ANP32A: variants seen among roughly 807,000 people sequenced by gnomAD.
ANP32A encodes acidic leucine-rich nuclear phosphoprotein 32 family member A.
A neutral mutation model predicts 33.9 loss-of-function variants in ANP32A; 1 was observed. The ratio of observed to expected loss-of-function variants is 0.03; its 90% CI spans 0.01 to 0.14. The LOEUF (loss-of-function observed/expected upper bound fraction) is 0.14. ANP32A is among the 10% of genes least tolerant of loss of function. The probability of loss-of-function intolerance (pLI) is 1.00; values close to 1 mark genes in which losing one functional copy is unlikely to be tolerated. For synonymous variants in ANP32A, 115 were observed against 120.5 expected (o/e 0.95, Z 0.30); for missense variants, 155 against 306.0 (o/e 0.51, Z 3.68).
chr15:68,799,220 T>G (rs1596069417), intron 1 of ANP32A, among the ~76,000 whole-genome samples: 1 of 151,930 alleles, frequency 6.6e-6, no homozygotes, highest in East Asian at 1.9e-4. Flanking sequence ...AGAAATGGAA[T>G]GAGGGAAAGC....
intron 1 of ANP32A, among the ~76,000 whole-genome samples, chr15:68,803,762 A>T (rs181683502): frequency 2.0e-5 from 3 of 150,628 alleles, no homozygotes; most frequent in Non-Finnish European, 4.4e-5. Flanking sequence ...TAAATCTCAC[A>T]CATATTGTTT....
At chr15:68,798,899 T>G (rs1407907634) in intron 1 of ANP32A, among the ~76,000 whole-genome samples, 1 of 152,202 alleles carries the variant, frequency 6.6e-6, no homozygotes, top group East Asian at 1.9e-4. Flanking sequence ...GCCTCGGCAC[T>G]GAAGCCCTGT....
rs773932398 is a variant in ANP32A, at chr15:68,780,151, G to A, written c.689-9C>T. The A allele has an allele frequency of 1.1e-5, 17 of 1,613,554 alleles. No individual in the cohort carries two copies. In the South Asian group the frequency reaches 1.9e-4, roughly 18 times the overall value. On this transcript the variant is annotated splice_polypyrimidine_tract_variant and intron_variant, in intron 6 of 6. Transcript: ENST00000465139. The surrounding 1 kb of genome is among the most constrained non-coding windows in gnomAD (Gnocchi z 4.3). Reference sequence around the variant, plus strand: ...CTGACCCCTTTCTTCTTCTGGAAAAGTAAGAAAGCGGCATTTAGATTAGTT... The same window carrying A: ...CTGACCCCTTTCTTCTTCTGGAAAAATAAGAAAGCGGCATTTAGATTAGTT...
intron 1 of ANP32A, among the ~76,000 whole-genome samples, chr15:68,798,362 C>CA (rs1419205717): frequency 1.3e-5 from 2 of 152,222 alleles, no homozygotes; most frequent in Admixed American, 1.3e-4. Flanking sequence ...CAATCAGACT[C>CA]AGAGGCCAGG....
intron 1 of ANP32A, chr15:68,817,802 A>T (rs1200262037): frequency 6.6e-6 from 1 of 152,176 alleles, no homozygotes; most frequent in Non-Finnish European, 1.5e-5. Context: ...TCATAGCACA[A>T]CTGGGGGTCC....
chr15:68,809,248 CTG>C lies in ANP32A; in HGVS notation c.54+11448_54+11449del, dbSNP rs1038794857. On this transcript the variant is annotated intron_variant, in intron 1 of 6. Coordinates refer to ENST00000465139, the MANE Select transcript of ANP32A (RefSeq NM_006305.4). ...GCTAGCTTATTGTATTAAAGGGAGA[CTG>C]TGAATGTCCCCTACCCCTACTCATC... Among the ~76,000 whole-genome samples the C allele has an allele frequency of 5.3e-4, 80 of 152,304 alleles. 1 individual carries two copies. The highest frequency in any genetic ancestry group is 1.8e-3 in the African/African-American group (76 of 41,574).
intron 1 of ANP32A, chr15:68,790,954 C>T (rs1370057525): frequency 6.6e-6 from 1 of 152,252 alleles, no homozygotes; most frequent in African/African-American, 2.4e-5. Context: ...CTGTCTCTCA[C>T]CCTCTCTCCC....
chr15:68,787,621 G>T, intron 2 of ANP32A, 86 bp from the exon 3 acceptor site: 1 of 1,603,266 alleles, frequency 6.2e-7, no homozygotes. Context: ...CCCCAGACGG[G>T]CAAGAAGGGA....
In ANP32A at chr15:68,780,420, T is replaced by C. The variant is rs745497229; in HGVS notation, c.678A>G (p.Glu226=). 1.9e-6 allele frequency: 3 copies of C among 1,613,996 alleles called. No individual in the cohort carries two copies. The highest frequency in any genetic ancestry group is 2.5e-6 in the Non-Finnish European group (3 of 1,179,890). Residue 226 remains glutamate (E), a synonymous_variant, in exon 6 of 7, where the codon GAA becomes GAG. Transcript: ENST00000465139. This position sits in a 1 kb window ranked among gnomAD's most constrained non-coding sequence, Gnocchi z 4.3. The part of the protein sequence containing the change: ...DGEVDDEEDE[E]ELGEEERGQK... ...AAAAGGCTGCCATACCACCAAGCTC[T>C]TCTTCATCTTCCTCGTCATCTACCT...
intron 1 of ANP32A, among the ~76,000 whole-genome samples, chr15:68,813,251 G>A (rs1312086429): frequency 6.6e-6 from 1 of 152,202 alleles, no homozygotes; most frequent in Non-Finnish European, 1.5e-5. Flanking sequence ...ACAGGGCTTG[G>A]TGTGGTAGAA....
chr15:68,803,985 A>G (rs62008191), intron 1 of ANP32A, among the ~76,000 whole-genome samples: 65,239 of 151,368 alleles, frequency 0.43, 14,476 homozygotes, highest in Middle Eastern at 0.56. Flanking sequence ...TATTTTTAGT[A>G]GACATGGGGT....
intron 4 of ANP32A, 97 bp downstream of exon 4, chr15:68,784,300 C>T: frequency 1.4e-6 from 2 of 1,398,182 alleles, no homozygotes; most frequent in East Asian, 2.5e-5. Flanking sequence ...GGGTGGGGGC[C>T]TCCCAACACC....
intron 1 of ANP32A, among the ~76,000 whole-genome samples, chr15:68,806,657 G>A (rs1392183748): frequency 6.6e-6 from 1 of 152,242 alleles, no homozygotes; most frequent in Non-Finnish European, 1.5e-5. Flanking sequence ...ATGGCTTCAG[G>A]CCAACCTCTG....
intron 1 of ANP32A, chr15:68,818,166 GC>G (rs989730052): frequency 1.0e-4 from 17 of 166,768 alleles, no homozygotes; most frequent in African/African-American, 3.6e-4. Context: ...GCCACATGGA[GC>G]CCGGAGCCCG....
chr15:68,820,874 C>T lies in ANP32A; in HGVS notation c.-123G>A. On this transcript the variant is annotated 5_prime_UTR_variant, in exon 1 of 7. Coordinates refer to ENST00000465139, the MANE Select transcript of ANP32A (RefSeq NM_006305.4). Reference sequence around the variant, plus strand: ...ACCAGCTCCGCTCGGTTCTCGAGCCCCCAGCACCCGCGGCGCACACTAACC... The same window carrying T: ...ACCAGCTCCGCTCGGTTCTCGAGCCTCCAGCACCCGCGGCGCACACTAACC... 1 of 1,179,938 alleles carries T rather than the reference C, an allele frequency of 8.5e-7. No homozygotes were observed. Among genetic ancestry groups the T allele is most frequent in the Non-Finnish European group, 1.2e-6 (1 of 815,600 alleles). The allele number at this position is 1,179,938 out of a possible 1,614,324, so 73.1% of individuals were successfully genotyped here.
intron 1 of ANP32A, among the ~76,000 whole-genome samples, chr15:68,816,581 A>C (rs1478541174): frequency 6.6e-6 from 1 of 152,202 alleles, no homozygotes; most frequent in African/African-American, 2.4e-5. Flanking sequence ...TGTCTCCGAG[A>C]CTAAAACTGT....
At position 68,782,987 on chromosome 15, in the gene ANP32A, C is replaced by A; in HGVS notation, c.593G>T (p.Gly198Val). 6.4e-7 allele frequency: 1 copy of A among 1,551,592 alleles called. No homozygotes were observed. The highest frequency in any genetic ancestry group is 8.7e-7 in the Non-Finnish European group (1 of 1,146,664). ...DEEDEDEEEE[G>V]EEEDVSGEEE... The stretch of plus-strand genomic sequence containing the variant: ...CTCTCCACTCACGTCCTCCTCTTCA[C>A]CTTCCTCCTCCTCATCCTCGTCCTC... Residue 198 changes from glycine (G) to valine (V), a missense_variant, in exon 5 of 7, where the codon GGT becomes GTT. Physicochemically the swap from Gly to Val is moderately radical, Grantham distance 109. This residue lies in a region of ANP32A where 63 missense variants were observed against 82.8 expected (regional missense o/e 0.76). Transcript: ENST00000465139.
chr15:68,806,998 G>A (rs1433413505), intron 1 of ANP32A, among the ~76,000 whole-genome samples: 1 of 152,244 alleles, frequency 6.6e-6, no homozygotes, highest in Non-Finnish European at 1.5e-5. Context: ...GCTGCCCTCT[G>A]GCAGGGGGTA....
In ANP32A at chr15:68,780,217, T is replaced by G. The variant is rs986998571; in HGVS notation, c.689-75A>C. The G allele has an allele frequency of 1.3e-6, 2 of 1,592,906 alleles. No homozygotes were observed. Among genetic ancestry groups the G allele is most frequent in the African/African-American group, 2.7e-5 (2 of 74,060 alleles). ...TTAACTCAACCCACCCAGTGAGAAGTCAGGGGACCCATGACTAGCAAGCTG... is the reference window on the plus strand; with the variant it reads ...TTAACTCAACCCACCCAGTGAGAAGGCAGGGGACCCATGACTAGCAAGCTG... On this transcript the variant is annotated intron_variant, in intron 6 of 6. Transcript: ENST00000465139. The surrounding 1 kb of genome is among the most constrained non-coding windows in gnomAD (Gnocchi z 4.3).
Sources: gnomAD v4.1 joint callset for allele counts (sites outside exome capture counted in the v4.1 genomes callset) on GRCh38, gnomAD v4.1.1 for gene constraint, gnomAD v4.1.1 regional missense constraint, Gnocchi (gnomAD v3.1) non-coding constraint, MANE v1.5 for transcripts, NCBI Gene and HGNC (gene_info 2026-07-23, HGNC 2026-07-21) for gene names.